Variants in C8orf34 observed in about 807,000 individuals in gnomAD.
The protein encoded by C8orf34 is uncharacterized protein C8orf34.
In C8orf34, 65 loss-of-function variants were observed where a neutral mutation model predicts 68.3. The observed-to-expected ratio is 0.95, with a 90% CI of 0.78 to 1.17. The LOEUF is 1.17. Ranked by LOEUF, C8orf34 falls within the 50% of genes most tolerant of loss-of-function variation. The pLI is 0.00. For synonymous variants in C8orf34, 244 were observed against 241.2 expected, an observed-to-expected ratio of 1.01 and a Z score of -0.11; for missense variants, 664 against 655.4, an observed-to-expected ratio of 1.01 and a Z score of -0.14.
At chr8:68,528,039 T>G (rs1225155862) in intron 6 of C8orf34, among the ~76,000 whole-genome samples, 1 of 152,184 alleles carries the variant, frequency 6.6e-6, no homozygotes, top group African/African-American at 2.4e-5. Flanking sequence ...ATTTCCCACA[T>G]CATCTTCTAG....
chr8:68,587,905 A>G (rs1817256391), intron 7 of C8orf34, among the ~76,000 whole-genome samples: 1 of 152,182 alleles, frequency 6.6e-6, no homozygotes, highest in Non-Finnish European at 1.5e-5. Flanking sequence ...GCAGTCTCAG[A>G]CTGCATTCAA....
intron 10 of C8orf34, among the ~76,000 whole-genome samples, chr8:68,773,117 CT>C (rs1267535628): frequency 6.6e-6 from 1 of 152,070 alleles, no homozygotes; most frequent in Non-Finnish European, 1.5e-5. Context: ...ACATCTGAAA[CT>C]CATAGGTTTG....
At chr8:68,572,338 T>G (rs1816782762) in intron 7 of C8orf34, among the ~76,000 whole-genome samples, 1 of 152,020 alleles carries the variant, frequency 6.6e-6, no homozygotes, top group Non-Finnish European at 1.5e-5. Flanking sequence ...TACTTGTCAT[T>G]TTAATGTTTT....
At chr8:68,662,226 T>C (rs993623943) in intron 8 of C8orf34, among the ~76,000 whole-genome samples, 5 of 152,154 alleles carry the variant, frequency 3.3e-5, no homozygotes, top group Non-Finnish European at 7.4e-5. Context: ...GTAATAAAAG[T>C]TGTCTGGGTG....
At chr8:68,760,663 T>G (rs1181526742) in intron 10 of C8orf34, among the ~76,000 whole-genome samples, 1 of 152,216 alleles carries the variant, frequency 6.6e-6, no homozygotes, top group Non-Finnish European at 1.5e-5. Context: ...ACAGTAGGTT[T>G]TTTTTCCTTT....
In C8orf34 at chr8:68,650,296, G is replaced by T. The variant is rs958261946; in HGVS notation, c.1241+9785G>T. Among the ~76,000 whole-genome samples the T allele has an allele frequency of 2.0e-5, 3 of 152,064 alleles. No individual in the cohort carries two copies. In the East Asian group the frequency reaches 5.8e-4, roughly 30 times the overall value. ...GTTTGTTTAACAAGCAAAAGGAAGAGGAGAGAGGGGTCCAGAGAGGGGTCC... is the reference window on the plus strand; with the variant it reads ...GTTTGTTTAACAAGCAAAAGGAAGATGAGAGAGGGGTCCAGAGAGGGGTCC... On this transcript the variant is annotated intron_variant, in intron 8 of 13. Coordinates refer to ENST00000518698, the MANE Select transcript of C8orf34 (RefSeq NM_052958.4).
chr8:68,804,230 A>G (rs1180215657), intron 12 of C8orf34, among the ~76,000 whole-genome samples: 1 of 152,146 alleles, frequency 6.6e-6, no homozygotes, highest in Non-Finnish European at 1.5e-5. Flanking sequence ...AACTTTTGCA[A>G]TTGTTTTATA....
intron 1 of C8orf34, among the ~76,000 whole-genome samples, chr8:68,418,529 C>T (rs920403523): frequency 1.1e-4 from 17 of 152,106 alleles, no homozygotes; most frequent in African/African-American, 3.4e-4. Context: ...TGTCAAAGGC[C>T]TTTTCTGCAT....
At chr8:68,757,544 C>T (rs1246966841) in intron 10 of C8orf34, among the ~76,000 whole-genome samples, 1 of 151,970 alleles carries the variant, frequency 6.6e-6, no homozygotes, top group Non-Finnish European at 1.5e-5. Flanking sequence ...TCACTTGAAC[C>T]GGGGAGGCGG....
At chr8:68,539,418 C>T (rs980737336) in intron 7 of C8orf34, among the ~76,000 whole-genome samples, 1 of 152,126 alleles carries the variant, frequency 6.6e-6, no homozygotes, top group Admixed American at 6.5e-5. Context: ...ACATCAAAAC[C>T]AACAGATATT....
intron 7 of C8orf34, among the ~76,000 whole-genome samples, chr8:68,580,915 A>G (rs1463269190): frequency 1.3e-5 from 2 of 152,060 alleles, no homozygotes; most frequent in Admixed American, 6.6e-5. Flanking sequence ...CCTGGAACCC[A>G]TCATGGTAGA....
intron 10 of C8orf34, among the ~76,000 whole-genome samples, chr8:68,726,366 G>C (rs1038830697): frequency 6.6e-6 from 1 of 152,116 alleles, no homozygotes; most frequent in Non-Finnish European, 1.5e-5. Flanking sequence ...CGGAATTGGA[G>C]GACTCTGAGA....
At chr8:68,573,222 A>G (rs1372322612) in intron 7 of C8orf34, among the ~76,000 whole-genome samples, 2 of 152,022 alleles carry the variant, frequency 1.3e-5, no homozygotes, top group Admixed American at 6.6e-5. Flanking sequence ...TGCTCCCCCA[A>G]CACTTGAATT....
At chr8:68,613,766 T>C (rs530810095) in intron 7 of C8orf34, among the ~76,000 whole-genome samples, 2 of 152,184 alleles carry the variant, frequency 1.3e-5, no homozygotes, top group East Asian at 3.9e-4. Flanking sequence ...GCATGTGTCT[T>C]TATAGCAGCA....
intron 7 of C8orf34, among the ~76,000 whole-genome samples, chr8:68,557,367 G>A (rs1158794967): frequency 6.6e-6 from 1 of 152,022 alleles, no homozygotes; most frequent in Admixed American, 6.6e-5. Context: ...CTAAACTTGA[G>A]CCCCAAAAGC....
At chr8:68,424,753 A>T (rs1177294844) in intron 1 of C8orf34, among the ~76,000 whole-genome samples, 13 of 152,044 alleles carry the variant, frequency 8.6e-5, no homozygotes, top group Non-Finnish European at 1.8e-4. Flanking sequence ...ACAAAAAATT[A>T]GCTGGGCGTG....
At chr8:68,435,199 T>C (rs551412360) in intron 1 of C8orf34, among the ~76,000 whole-genome samples, 1 of 148,906 alleles carries the variant, frequency 6.7e-6, no homozygotes, top group Non-Finnish European at 1.5e-5. Context: ...AATAAAAATA[T>C]ATAAATATAT....
At chr8:68,530,595 T>G in intron 6 of C8orf34, 3 of 1,257,700 alleles carry the variant, frequency 2.4e-6, no homozygotes, top group Non-Finnish European at 3.1e-6. Flanking sequence ...TTTCTCAGTT[T>G]AGAAGACACG....
chr8:68,409,956 A>G (rs1809373651), intron 1 of C8orf34, among the ~76,000 whole-genome samples: 1 of 152,204 alleles, frequency 6.6e-6, no homozygotes. Context: ...GCAGGTTAGT[A>G]GCCTAGCAGC....
Sources: gnomAD v4.1 joint callset for allele counts (sites outside exome capture counted in the v4.1 genomes callset) on GRCh38, gnomAD v4.1.1 for gene constraint, MANE v1.5 for transcripts, NCBI Gene and HGNC (gene_info 2026-07-23, HGNC 2026-07-21) for gene names.